Variants in SCIN observed in about 807,000 individuals in gnomAD.
SCIN encodes the protein scinderin, also known as adseverin.
Under a neutral mutation model 91.8 loss-of-function variants are expected in SCIN, and 91 were observed. The ratio of observed to expected loss-of-function variants is 0.99; its 90% confidence interval spans 0.84 to 1.18. SCIN has a LOEUF of 1.18. Ranked by LOEUF, SCIN falls within the 50% of genes most tolerant of loss-of-function variation. SCIN has a pLI of 0.00. For missense variants in SCIN, 1,087 were observed against 863.9 expected (o/e 1.26, Z -3.24); for synonymous variants, 367 against 312.6 (o/e 1.17, Z -1.84).
intron 4 of SCIN, among the ~76,000 whole-genome samples, chr7:12,616,691 G>A (rs1446453774): frequency 6.6e-6 from 1 of 152,026 alleles, no homozygotes; most frequent in African/African-American, 2.4e-5. Flanking sequence ...TTACATAACA[G>A]ATATATCTTG....
rs922243893 is a variant in SCIN, at chr7:12,651,425, C to G, written c.1960-416C>G. 2.6e-5 allele frequency among the ~76,000 whole-genome samples: 4 copies of G among 152,152 alleles called. No individual in the cohort carries two copies. The highest frequency in any genetic ancestry group is 5.9e-5 in the Non-Finnish European group (4 of 68,022). ...TGCAGGGCTATTTCTGTTTGCAAGTCCTCTGAACAGCCATCTCGAAATATG... is the reference window on the plus strand; with the variant it reads ...TGCAGGGCTATTTCTGTTTGCAAGTGCTCTGAACAGCCATCTCGAAATATG... On this transcript the variant is annotated intron_variant, in intron 14 of 15. Transcript: ENST00000297029. This position sits in a 1 kb window ranked among gnomAD's most constrained non-coding sequence, Gnocchi z 5.9.
At chr7:12,597,811 TTTTC>T (rs1782874035) in intron 3 of SCIN, among the ~76,000 whole-genome samples, 1 of 152,236 alleles carries the variant, frequency 6.6e-6, no homozygotes, top group Admixed American at 6.5e-5. Context: ...ATAATTTTGT[TTTTC>T]TTTAATAGTT....
chr7:12,596,538 G>C (rs773592963), intron 3 of SCIN: 6 of 442,832 alleles, frequency 1.4e-5, no homozygotes, highest in Non-Finnish European at 2.7e-5. Flanking sequence ...AGTGGTTGGG[G>C]GAGGGCCCTC....
At chr7:12,588,891 G>A (rs1350596170) in intron 3 of SCIN, 8 of 148,074 alleles carry the variant, frequency 5.4e-5, no homozygotes, top group Non-Finnish European at 1.2e-4. Flanking sequence ...CTTTTAATAG[G>A]TAATAGAAGA....
At chr7:12,620,462 G>T (rs894070679) in intron 4 of SCIN, among the ~76,000 whole-genome samples, 1 of 151,894 alleles carries the variant, frequency 6.6e-6, no homozygotes, top group Non-Finnish European at 1.5e-5. Flanking sequence ...ATCTTTTTGT[G>T]TCTGGCTTAT....
At chr7:12,586,548 A>G (rs904558181) in intron 3 of SCIN, among the ~76,000 whole-genome samples, 2 of 152,170 alleles carry the variant, frequency 1.3e-5, no homozygotes, top group African/African-American at 4.8e-5. Flanking sequence ...TAAAAATAGA[A>G]CTACCATATG....
intron 1 of SCIN, among the ~76,000 whole-genome samples, chr7:12,575,927 T>A (rs560206830): frequency 2.4e-4 from 36 of 152,318 alleles, no homozygotes; most frequent in African/African-American, 7.7e-4. Flanking sequence ...TCAGGCATCC[T>A]GTTTTATTCA....
At chr7:12,640,555 G>A in intron 11 of SCIN, 38 bp downstream of exon 11, 1 of 1,535,720 alleles carries the variant, frequency 6.5e-7, no homozygotes. Flanking sequence ...CCCTAGTTAT[G>A]GACTTCCCAA....
intron 9 of SCIN, among the ~76,000 whole-genome samples, chr7:12,632,899 T>C (rs1783675785): frequency 6.6e-6 from 1 of 152,166 alleles, no homozygotes; most frequent in Non-Finnish European, 1.5e-5. Context: ...AGAATGTATA[T>C]ATTGGGGGGA....
chr7:12,580,952 A>C (rs1222817939), intron 2 of SCIN, 108 bp from the exon 3 acceptor site: 2 of 1,134,824 alleles, frequency 1.8e-6, no homozygotes, highest in Non-Finnish European at 2.4e-6. Flanking sequence ...TGACAGGTAC[A>C]GTTTTGGCAC....
intron 2 of SCIN, 133 bp downstream of exon 2, chr7:12,578,351 G>C: frequency 1.3e-6 from 1 of 750,738 alleles, no homozygotes; most frequent in Non-Finnish European, 2.0e-6. Context: ...AATCTGTTTT[G>C]TTCATGGATA....
At position 12,571,100 on chromosome 7, in the gene SCIN, T is replaced by C. The variant is rs148959208; in HGVS notation, c.199+115T>C. The stretch of plus-strand genomic sequence containing the variant: ...GGGGACCGCAAACTGAGCTAGCCAC[T>C]CGCGCCCCCACGGGGCTGCCCTTTG... On this transcript the variant is annotated intron_variant, in intron 1 of 15. Transcript: ENST00000297029. 814 of 1,172,870 alleles carry C rather than the reference T, an allele frequency of 6.9e-4. 7 individuals carry two copies. The African/African-American group carries it at 0.011, about 16-fold the overall frequency. The allele number at this position is 1,172,870 out of a possible 1,614,324, so 72.7% of individuals were successfully genotyped here. A position where few individuals can be genotyped will look rare whatever the true frequency, so the allele number is the denominator to read the frequency against.
In SCIN at chr7:12,604,575, T is replaced by A; in HGVS notation, c.578T>A (p.Val193Glu). 6.4e-7 allele frequency: 1 copy of A among 1,551,974 alleles called. No individual in the cohort carries two copies. Among genetic ancestry groups the A allele is most frequent in the Non-Finnish European group, 8.7e-7 (1 of 1,147,038 alleles). ...NKYERLKANQ[V>E]ATGIRYNERK... is the part of the protein sequence containing the mutation. ...TATGAACGTCTGAAGGCAAACCAGGTAGCTACTGGCATTCGGTACAATGAA... is the reference window on the plus strand; with the variant it reads ...TATGAACGTCTGAAGGCAAACCAGGAAGCTACTGGCATTCGGTACAATGAA... The change falls in exon 4 of 16, where the codon GTA (valine) becomes GAA (glutamate). Residue 193 changes from valine (V) to glutamate (E), a missense_variant. Coordinates refer to ENST00000297029, the MANE Select transcript of SCIN (RefSeq NM_001112706.3).
At chr7:12,608,855 CTA>C (rs1338797390) in intron 4 of SCIN, among the ~76,000 whole-genome samples, 1 of 152,140 alleles carries the variant, frequency 6.6e-6, no homozygotes, top group African/African-American at 2.4e-5. Flanking sequence ...GAAAGTCTCT[CTA>C]TGTGAAAGTT....
At chr7:12,629,574 C>T (rs538546433) in intron 9 of SCIN, among the ~76,000 whole-genome samples, 9 of 152,250 alleles carry the variant, frequency 5.9e-5, no homozygotes, top group African/African-American at 1.9e-4. Context: ...TTAAAATTCA[C>T]AGAGGTCCAT....
At chr7:12,629,012 G>T in intron 8 of SCIN, 89 bp from the exon 9 acceptor site, 2 of 1,157,764 alleles carry the variant, frequency 1.7e-6, no homozygotes, top group South Asian at 3.6e-5. Flanking sequence ...TTTAATAATG[G>T]ATTTGAACCA....
At chr7:12,633,700 G>T (rs1783690281) in intron 9 of SCIN, among the ~76,000 whole-genome samples, 1 of 152,196 alleles carries the variant, frequency 6.6e-6, no homozygotes, top group African/African-American at 2.4e-5. Context: ...AAAATGGAAA[G>T]CAGACATTTT....
At position 12,626,617 on chromosome 7, in the gene SCIN, A is replaced by T; in HGVS notation, c.1015A>T (p.Ile339Phe). 1 of 1,551,662 alleles carries T rather than the reference A, an allele frequency of 6.4e-7. No individual in the cohort carries two copies. The highest frequency in any genetic ancestry group is 8.7e-7 in the Non-Finnish European group (1 of 1,146,970). Residue 339 changes from isoleucine to phenylalanine, a missense_variant, in exon 8 of 16, where the codon ATC (isoleucine) becomes TTC (phenylalanine). Ile to Phe is a conservative substitution (Grantham distance 21). Coordinates refer to ENST00000297029, the MANE Select transcript of SCIN (RefSeq NM_001112706.3). ...TCTTCCAGAAGGAGGTGAAACACCAATCTTCAAACAGTTTTTTAAGGACTG... is the reference window on the plus strand; with the variant it reads ...TCTTCCAGAAGGAGGTGAAACACCATTCTTCAAACAGTTTTTTAAGGACTG... ...QVLPEGGETP[I>F]FKQFFKDWRD...
At chr7:12,626,023 G>A in intron 7 of SCIN, 173 bp downstream of exon 7, 1 of 551,212 alleles carries the variant, frequency 1.8e-6, no homozygotes, top group East Asian at 3.1e-5. Context: ...GTGGGGGTTA[G>A]AATTTTTTAG....
Sources: allele counts gnomAD v4.1 joint callset (sites outside exome capture counted in the v4.1 genomes callset), GRCh38; gene constraint gnomAD v4.1.1; non-coding constraint Gnocchi (gnomAD v3.1); transcripts MANE v1.5; gene names NCBI Gene and HGNC (gene_info 2026-07-23, HGNC 2026-07-21).